The following NADSYN1 variants were observed in gnomAD, a reference collection of about 807,000 sequenced individuals.
The protein encoded by NADSYN1 is NAD synthetase 1.
NADSYN1 carries 80 observed loss-of-function variants against 99.3 expected under a neutral mutation model. That is an observed-to-expected ratio of 0.81 (90% CI 0.67 to 0.97). The LOEUF is 0.97. NADSYN1 is among the 50% of genes least tolerant of loss of function. NADSYN1 has a pLI of 0.00. For synonymous variants in NADSYN1, 385 were observed against 372.1 expected (o/e 1.03, Z -0.40); for missense variants, 859 against 948.5 (o/e 0.91, Z 1.24).
intron 16 of NADSYN1, among the ~76,000 whole-genome samples, chr11:71,487,830 C>CAAAAAAAAAAA (rs71049984): frequency 2.5e-5 from 2 of 80,082 alleles, no homozygotes; most frequent in African/African-American, 4.8e-5. Context: ...GACTCCGTCT[C>CAAAAAAAAAAA]AAAAAAAAAA....
chr11:71,492,919 C>T (rs1367987465), intron 18 of NADSYN1, among the ~76,000 whole-genome samples: 3 of 148,724 alleles, frequency 2.0e-5, no homozygotes, highest in Non-Finnish European at 4.4e-5. Context: ...CAATGTCTCA[C>T]TCTGTTGCCC....
chr11:71,461,737 A>G (rs2040323), intron 3 of NADSYN1, among the ~76,000 whole-genome samples: 3 of 151,998 alleles, frequency 2.0e-5, no homozygotes, highest in East Asian at 3.9e-4. Flanking sequence ...GCTACACACT[A>G]TTAAAACGAC....
At chr11:71,499,734 C>T (rs990439391) in intron 20 of NADSYN1, 3 of 152,192 alleles carry the variant, frequency 2.0e-5, no homozygotes, top group East Asian at 1.9e-4. Flanking sequence ...GAGAGCCGGC[C>T]AGTGAGTCAC....
At chr11:71,477,221 G>C in intron 9 of NADSYN1, 4 of 1,189,462 alleles carry the variant, frequency 3.4e-6, no homozygotes, top group Non-Finnish European at 4.3e-6. Context: ...GCCGCCGTGC[G>C]GCAGGCTGTT....
chr11:71,461,418 T>A (rs534089716), intron 3 of NADSYN1, among the ~76,000 whole-genome samples: 1 of 151,956 alleles, frequency 6.6e-6, no homozygotes, highest in Non-Finnish European at 1.5e-5. Context: ...GCTACACACT[T>A]TTTTATTTAT....
intron 16 of NADSYN1, 81 bp downstream of exon 16, chr11:71,485,729 C>A: frequency 9.5e-7 from 1 of 1,047,914 alleles, no homozygotes; most frequent in Non-Finnish European, 1.4e-6. Flanking sequence ...GAGATTCTAT[C>A]ATCCTGTGCC....
At chr11:71,476,748 G>C in intron 9 of NADSYN1, 1 of 985,834 alleles carries the variant, frequency 1.0e-6, no homozygotes, top group African/African-American at 1.7e-5. Flanking sequence ...GCACATTGGT[G>C]GTCGTGTTGA....
chr11:71,477,010 G>A (rs1949671926), intron 9 of NADSYN1: 9 of 1,053,410 alleles, frequency 8.5e-6, no homozygotes, highest in Middle Eastern at 4.6e-4. Flanking sequence ...CCTCAGGCTC[G>A]GGCCACTGCC....
At chr11:71,455,729 T>G (rs764523326) in intron 2 of NADSYN1, among the ~76,000 whole-genome samples, 1 of 152,226 alleles carries the variant, frequency 6.6e-6, no homozygotes, top group Non-Finnish European at 1.5e-5. Flanking sequence ...TCCAGAACTG[T>G]GAGCAATACA....
intron 3 of NADSYN1, 65 bp downstream of exon 3, chr11:71,458,609 A>T: frequency 8.9e-7 from 1 of 1,122,386 alleles, no homozygotes; most frequent in Non-Finnish European, 1.4e-6. Flanking sequence ...GGCATGACCC[A>T]CCCAACCGGC....
intron 5 of NADSYN1, 88 bp from the exon 6 acceptor site, chr11:71,472,361 T>C (rs1260771558): frequency 9.1e-7 from 1 of 1,093,390 alleles, no homozygotes; most frequent in Non-Finnish European, 1.4e-6. Flanking sequence ...GTTCGGAGGG[T>C]TCAGTTTGAG....
intron 2 of NADSYN1, 88 bp from the exon 3 acceptor site, chr11:71,458,340 C>T (rs1391665300): frequency 2.1e-6 from 2 of 944,864 alleles, no homozygotes; most frequent in Non-Finnish European, 1.7e-6. Flanking sequence ...GGCCCCCAGA[C>T]ACGTTCAGAC....
intron 20 of NADSYN1, among the ~76,000 whole-genome samples, chr11:71,500,360 G>T (rs1381630889): frequency 1.5e-5 from 2 of 136,868 alleles, no homozygotes; most frequent in Admixed American, 7.4e-5. Context: ...CAGTGGCAGG[G>T]GTTCTACATC....
At chr11:71,487,326 T>C (rs982795623) in intron 16 of NADSYN1, among the ~76,000 whole-genome samples, 3 of 152,124 alleles carry the variant, frequency 2.0e-5, no homozygotes, top group Non-Finnish European at 2.9e-5. Context: ...AGCTCTGGTG[T>C]AGTTGAGGAG....
intron 9 of NADSYN1, among the ~76,000 whole-genome samples, chr11:71,475,800 C>T (rs188186257): frequency 4.1e-4 from 62 of 152,246 alleles, no homozygotes; most frequent in African/African-American, 1.4e-3. Context: ...CTGCAACCTC[C>T]GCCCCATGTT....
chr11:71,484,572 C>T (rs1179478168), intron 15 of NADSYN1, 125 bp downstream of exon 15: 2 of 1,372,930 alleles, frequency 1.5e-6, no homozygotes, highest in Non-Finnish European at 1.9e-6. Flanking sequence ...GCACCGGTTA[C>T]CTAGGGACAG....
Position 71,455,190 on chromosome 11 carries a change from C to T in NADSYN1, c.146+20C>T. ...AATATGGTGAGAACAGACACAGACA[C>T]CCTGGGGTCGTCAGCTAGCGATACC... is the stretch of plus-strand genomic sequence containing the variant. On this transcript the variant is annotated intron_variant, in intron 2 of 20. Transcript: ENST00000319023. 1 of 1,606,236 alleles carries T rather than the reference C, an allele frequency of 6.2e-7. No homozygotes were observed. The highest frequency in any genetic ancestry group is 8.5e-7 in the Non-Finnish European group (1 of 1,174,604).
intron 3 of NADSYN1, chr11:71,460,355 G>A (rs1414466480): frequency 6.6e-6 from 1 of 152,126 alleles, no homozygotes. Context: ...GTTTGTTTTT[G>A]TTTTTGTTTG....
Position 71,497,551 on chromosome 11 carries a change from G to A in NADSYN1, c.1833G>A (p.Gly611=), listed in dbSNP as rs1035221617. ...YGKLRKVAKM[G]PYSMFCKLLG... is the part of the protein sequence containing the mutation. The stretch of plus-strand genomic sequence containing the variant: ...AACTCAGGAAGGTGGCCAAGATGGG[G>A]CCCTACAGCATGTTCTGCAAACTCC... The change falls in exon 19 of 21, where the codon GGG becomes GGA. Residue 611 remains glycine (G), a synonymous_variant. Transcript: ENST00000319023. The A allele has an allele frequency of 1.2e-6, 2 of 1,614,140 alleles. No individual in the cohort carries two copies. Among genetic ancestry groups the A allele is most frequent in the Admixed American group, 3.3e-5 (2 of 60,020 alleles).
Sources: allele counts gnomAD v4.1 joint callset (sites outside exome capture counted in the v4.1 genomes callset), GRCh38; gene constraint gnomAD v4.1.1; transcripts MANE v1.5; gene names NCBI Gene and HGNC (gene_info 2026-07-23, HGNC 2026-07-21).